ARHGAP17: variants seen among roughly 807,000 people sequenced by gnomAD.
ARHGAP17 encodes the protein rho GTPase-activating protein 17.
A neutral mutation model predicts 99.5 loss-of-function variants in ARHGAP17; 57 were observed. That is an observed-to-expected ratio of 0.57 (90% CI 0.46 to 0.71). The LOEUF (loss-of-function observed/expected upper bound fraction) is 0.71. ARHGAP17 is among the 30% of genes least tolerant of loss of function. ARHGAP17 has a pLI of 0.00. For missense variants in ARHGAP17, 1,000 were observed against 1,122.4 expected (o/e 0.89, Z 1.56); for synonymous variants, 417 against 429.6 (o/e 0.97, Z 0.36).
At chr16:24,990,771 C>T (rs1597465305) in intron 1 of ARHGAP17, among the ~76,000 whole-genome samples, 1 of 135,272 alleles carries the variant, frequency 7.4e-6, no homozygotes, top group Non-Finnish European at 1.6e-5. Flanking sequence ...TGGGGCTTGG[C>T]TTTTTTTTTT....
chr16:25,007,075 A>C (rs1472114363), intron 1 of ARHGAP17, among the ~76,000 whole-genome samples: 1 of 152,080 alleles, frequency 6.6e-6, no homozygotes, highest in Non-Finnish European at 1.5e-5. Flanking sequence ...TTACAATCTA[A>C]CCTCTTTTAA....
chr16:24,921,030 C>T (rs1489116513), intron 19 of ARHGAP17: 2 of 152,240 alleles, frequency 1.3e-5, no homozygotes, highest in Non-Finnish European at 2.9e-5. Context: ...ACATATGGTC[C>T]TCATGCTGTT....
intron 18 of ARHGAP17, 41 bp downstream of exon 18, chr16:24,935,429 C>T (rs2051108773): frequency 1.3e-6 from 2 of 1,548,954 alleles, no homozygotes; most frequent in Non-Finnish European, 1.7e-6. Flanking sequence ...AGGAGGTCTG[C>T]ACAGGCTTCC....
At chr16:25,000,555 G>T (rs1378097601) in intron 1 of ARHGAP17, among the ~76,000 whole-genome samples, 1 of 152,132 alleles carries the variant, frequency 6.6e-6, no homozygotes, top group Non-Finnish European at 1.5e-5. Flanking sequence ...GTGTGTGGAT[G>T]ATTTTTTCTG....
rs764181821 is a variant in ARHGAP17, at chr16:24,935,513, T to C, written c.1851A>G (p.Gln617=). The stretch of plus-strand genomic sequence containing the variant: ...GGCTGGGCCCTGCAGCATTGTGAGG[T>C]TGGCCCATGGAGAGCTGGTGGGAGC... ...AAGSHQLSMG[Q]PHNAAGPSPH... is the part of the protein sequence containing the mutation. The change falls in exon 18 of 20, where the codon CAA becomes CAG. Residue 617 remains glutamine, a synonymous_variant. Coordinates refer to ENST00000289968, the MANE Select transcript of ARHGAP17 (RefSeq NM_001006634.3). 5.6e-6 allele frequency: 9 copies of C among 1,612,428 alleles called. No homozygotes were observed. The highest frequency in any genetic ancestry group is 7.6e-6 in the Non-Finnish European group (9 of 1,179,450).
chr16:24,956,504 T>A (rs2051812604), intron 9 of ARHGAP17: 1 of 152,058 alleles, frequency 6.6e-6, no homozygotes, highest in African/African-American at 2.4e-5. Context: ...CACAGAACAG[T>A]CAATAACAAG....
At position 24,995,887 on chromosome 16, in the gene ARHGAP17, A is replaced by T. The variant is rs754651734; in HGVS notation, c.54-16882T>A. On this transcript the variant is annotated intron_variant, in intron 1 of 19. Transcript: ENST00000289968. ...ACTCACTTTACTTCTCTATAGACCA[A>T]CTTTTTCTTCTCTTTTTTTTAAGAG... Among the ~76,000 whole-genome samples, 15 of 152,212 alleles carry T rather than the reference A, an allele frequency of 9.9e-5. No individual in the cohort carries two copies. The East Asian group carries it at 1.2e-3, about 12-fold the overall frequency.
At chr16:24,989,010 T>A (rs1299530487) in intron 1 of ARHGAP17, among the ~76,000 whole-genome samples, 1 of 152,178 alleles carries the variant, frequency 6.6e-6, no homozygotes, top group Non-Finnish European at 1.5e-5. Context: ...AGACAGTACA[T>A]CCACATAGAG....
intron 16 of ARHGAP17, among the ~76,000 whole-genome samples, chr16:24,941,466 AT>A (rs201645050): frequency 3.3e-5 from 5 of 151,310 alleles, no homozygotes; most frequent in African/African-American, 1.2e-4. Flanking sequence ...CAACACTGCC[AT>A]TTTTTTTTCT....
chr16:24,923,733 A>T (rs2050773020), intron 19 of ARHGAP17, among the ~76,000 whole-genome samples: 2 of 151,082 alleles, frequency 1.3e-5, no homozygotes, highest in African/African-American at 4.9e-5. Flanking sequence ...TTTTTAAAAA[A>T]AAAAAAAAAA....
intron 1 of ARHGAP17, among the ~76,000 whole-genome samples, chr16:24,991,284 T>A (rs1269065983): frequency 2.6e-5 from 4 of 152,344 alleles, no homozygotes; most frequent in South Asian, 2.1e-4. Flanking sequence ...AGGAACACCA[T>A]CTCATGTACT....
chr16:24,939,638 GACT>G (rs1157190961), intron 16 of ARHGAP17, 41 bp from the exon 17 acceptor site: 1 of 1,548,530 alleles, frequency 6.5e-7, no homozygotes, highest in African/African-American at 1.4e-5. Context: ...CATGCGAGCA[GACT>G]ACTGAGACAG....
intron 1 of ARHGAP17, among the ~76,000 whole-genome samples, chr16:24,982,996 A>ATATATATATAT (rs1315859010): frequency 2.1e-5 from 1 of 46,976 alleles, no homozygotes; most frequent in African/African-American, 8.7e-5. Flanking sequence ...ATATATATAT[A>ATATATATATAT]TTTTTTTTTT....
intron 19 of ARHGAP17, among the ~76,000 whole-genome samples, chr16:24,925,270 T>C (rs2050811082): frequency 6.6e-6 from 1 of 152,112 alleles, no homozygotes. Flanking sequence ...TCCCAGCTAC[T>C]TGGGAGGCTG....
intron 1 of ARHGAP17, among the ~76,000 whole-genome samples, chr16:24,991,660 T>TA (rs1261333258): frequency 6.6e-6 from 1 of 152,182 alleles, no homozygotes; most frequent in East Asian, 1.9e-4. Context: ...GCTAACATCT[T>TA]AAGCTGCTGG....
chr16:24,954,581 A>C, intron 10 of ARHGAP17, 22 bp downstream of exon 10: 1 of 1,605,824 alleles, frequency 6.2e-7, no homozygotes, highest in Non-Finnish European at 8.5e-7. Context: ...CTTGGTGCAC[A>C]GGATCACGAA....
intron 9 of ARHGAP17, chr16:24,957,000 T>A (rs1171514695): frequency 6.6e-6 from 1 of 152,220 alleles, no homozygotes; most frequent in African/African-American, 2.4e-5. Flanking sequence ...GGCAATCAGC[T>A]GAGAAAAGAT....
chr16:25,006,286 A>G (rs796572565), intron 1 of ARHGAP17, among the ~76,000 whole-genome samples: 2 of 139,074 alleles, frequency 1.4e-5, no homozygotes, highest in Non-Finnish European at 1.6e-5. Context: ...ACTAAAAATT[A>G]AAAAAAAAAA....
intron 7 of ARHGAP17, among the ~76,000 whole-genome samples, chr16:24,961,518 ATTTTTTTTTTT>A (rs1171754361): frequency 0.14 from 11,610 of 82,264 alleles, 738 homozygotes; most frequent in Middle Eastern, 0.32. Flanking sequence ...AAAAAAAAAA[ATTTTTTTTTTT>A]TTTTTTTTTT....
Sources: allele counts gnomAD v4.1 joint callset (sites outside exome capture counted in the v4.1 genomes callset), GRCh38; gene constraint gnomAD v4.1.1; transcripts MANE v1.5; gene names NCBI Gene and HGNC (gene_info 2026-07-23, HGNC 2026-07-21).